FSTL4: variants seen among roughly 807,000 people sequenced by gnomAD.
The protein encoded by FSTL4 is follistatin-related protein 4.
A neutral mutation model predicts 78.2 loss-of-function variants in FSTL4; 28 were observed. The ratio of observed to expected loss-of-function variants is 0.36; its 90% CI spans 0.27 to 0.49. FSTL4 has a LOEUF of 0.49. Among genes scored for constraint, FSTL4 ranks in the 20% least tolerant of loss-of-function variants. The probability of loss-of-function intolerance (pLI) is 0.98; values close to 1 mark genes in which losing one functional copy is unlikely to be tolerated. For synonymous variants in FSTL4, 422 were observed against 440.5 expected (o/e 0.96, Z 0.53); for missense variants, 922 against 1,084.9 (o/e 0.85, Z 2.11).
At chr5:133,797,282 TG>T in the FSTL4 span, among the ~76,000 whole-genome samples, 2 of 152,136 alleles carry the variant, frequency 1.3e-5, no homozygotes, top group African/African-American at 4.8e-5. Flanking sequence ...CAAGTTTAGG[TG>T]GATTCATGGA....
chr5:133,353,239 C>T (rs1041395314), intron 4 of FSTL4, among the ~76,000 whole-genome samples: 5 of 152,216 alleles, frequency 3.3e-5, no homozygotes, highest in East Asian at 1.9e-4. Context: ...TGGTTAGCTC[C>T]GTGTTTATGT....
intron 11 of FSTL4, among the ~76,000 whole-genome samples, chr5:133,222,182 T>TC (rs1264843675): frequency 6.6e-6 from 1 of 152,016 alleles, no homozygotes; most frequent in African/African-American, 2.4e-5. Flanking sequence ...GCAGGAGGGC[T>TC]CCTGCCACCA....
chr5:133,411,698 T>C (rs1482925959), intron 3 of FSTL4, among the ~76,000 whole-genome samples: 1 of 152,170 alleles, frequency 6.6e-6, no homozygotes, highest in Non-Finnish European at 1.5e-5. Flanking sequence ...TCATTCTTAT[T>C]CATAAAGGAA....
chr5:133,332,543 C>T (rs557638865), intron 4 of FSTL4, among the ~76,000 whole-genome samples: 2 of 152,340 alleles, frequency 1.3e-5, no homozygotes, highest in South Asian at 4.1e-4. Context: ...CATCTGAGAT[C>T]CCAGCAGGAG....
chr5:133,733,181 C>T, the FSTL4 span, among the ~76,000 whole-genome samples: 1 of 152,210 alleles, frequency 6.6e-6, no homozygotes, highest in Non-Finnish European at 1.5e-5. Flanking sequence ...GTTGTCTTCA[C>T]TCACATGTAA....
chr5:133,363,059 C>T (rs990181948), intron 4 of FSTL4, among the ~76,000 whole-genome samples: 1 of 152,110 alleles, frequency 6.6e-6, no homozygotes, highest in Non-Finnish European at 1.5e-5. Flanking sequence ...TCTCTCTCTC[C>T]TAACTTCTTC....
the FSTL4 span, among the ~76,000 whole-genome samples, chr5:133,805,180 G>A: frequency 4.6e-3 from 694 of 151,836 alleles, 8 homozygotes; most frequent in African/African-American, 0.016. Context: ...TTTCCCCATT[G>A]AGCTTGAGAG....
chr5:133,684,983 C>T, the FSTL4 span, among the ~76,000 whole-genome samples: 1 of 152,220 alleles, frequency 6.6e-6, no homozygotes, highest in Non-Finnish European at 1.5e-5. Flanking sequence ...CTTTAGTCTA[C>T]ACCCAGAGGA....
intron 7 of FSTL4, among the ~76,000 whole-genome samples, chr5:133,240,152 A>C (rs892160269): frequency 2.6e-5 from 4 of 152,146 alleles, no homozygotes; most frequent in African/African-American, 7.2e-5. Flanking sequence ...CCACGAACCC[A>C]CCAGAAGGAA....
the FSTL4 span, among the ~76,000 whole-genome samples, chr5:133,653,569 A>G: frequency 3.3e-5 from 5 of 152,170 alleles, no homozygotes; most frequent in African/African-American, 9.7e-5. Context: ...TTTGCTGTTT[A>G]TTGTGGTCAA....
Position 133,217,406 on chromosome 5 carries a change from C to T in FSTL4, c.1459-28G>A, listed in dbSNP as rs185914643. On this transcript the variant is annotated intron_variant, in intron 12 of 15. Transcript: ENST00000265342. ...GCAAAGGAGATAGGCTGTCATATATCTTCTTAATTGCCCTTTCCCTCCAAC... is the reference window on the plus strand; with the variant it reads ...GCAAAGGAGATAGGCTGTCATATATTTTCTTAATTGCCCTTTCCCTCCAAC... 943 of 1,609,600 alleles carry T rather than the reference C, an allele frequency of 5.9e-4. 2 individuals are homozygous for T. Among genetic ancestry groups the T allele is most frequent in the Middle Eastern group, 8.3e-4 (5 of 6,040 alleles).
At chr5:133,472,924 T>C (rs948117143) in intron 3 of FSTL4, among the ~76,000 whole-genome samples, 3 of 152,250 alleles carry the variant, frequency 2.0e-5, no homozygotes, top group Non-Finnish European at 4.4e-5. Context: ...CCAGTCCCAC[T>C]GTGCCCTGAC....
chr5:133,814,221 G>A, the FSTL4 span, among the ~76,000 whole-genome samples: 1 of 152,218 alleles, frequency 6.6e-6, no homozygotes, highest in East Asian at 1.9e-4. Context: ...AGGGCTGGCT[G>A]GGTCTTCGTG....
At chr5:133,776,936 AC>A in the FSTL4 span, among the ~76,000 whole-genome samples, 2 of 152,098 alleles carry the variant, frequency 1.3e-5, no homozygotes, top group Non-Finnish European at 1.5e-5. Context: ...TGTATGGCCT[AC>A]CCCTTTGTGC....
chr5:133,773,599 G>A, the FSTL4 span, among the ~76,000 whole-genome samples: 4 of 152,276 alleles, frequency 2.6e-5, no homozygotes, highest in South Asian at 8.3e-4. Context: ...CTTTCTTTGG[G>A]TCCCAGTAAC....
chr5:133,235,928 A>G (rs1751647875), intron 7 of FSTL4, among the ~76,000 whole-genome samples: 1 of 152,032 alleles, frequency 6.6e-6, no homozygotes, highest in Admixed American at 6.5e-5. Context: ...CTGGAGGAAA[A>G]TCTGTTTAGC....
At chr5:133,513,288 T>C (rs775709967) in intron 3 of FSTL4, among the ~76,000 whole-genome samples, 2 of 152,272 alleles carry the variant, frequency 1.3e-5, no homozygotes, top group African/African-American at 2.4e-5. Context: ...TAGGGCAGAA[T>C]TGTTTCTTTT....
the FSTL4 span, among the ~76,000 whole-genome samples, chr5:133,710,408 C>T: frequency 2.0e-5 from 3 of 152,192 alleles, no homozygotes; most frequent in African/African-American, 7.2e-5. Flanking sequence ...CACTTACTGT[C>T]CACTCTATTT....
At chr5:133,676,858 T>G in the FSTL4 span, among the ~76,000 whole-genome samples, 8 of 152,224 alleles carry the variant, frequency 5.3e-5, no homozygotes, top group Non-Finnish European at 1.2e-4. Context: ...TGTCTAATTC[T>G]GTATTCTGTT....
Sources: allele counts gnomAD v4.1 joint callset (sites outside exome capture counted in the v4.1 genomes callset), GRCh38; gene constraint gnomAD v4.1.1; transcripts MANE v1.5; gene names NCBI Gene and HGNC (gene_info 2026-07-23, HGNC 2026-07-21).